The following RBMS3 variants were observed in gnomAD, a reference collection of about 807,000 sequenced individuals.
RBMS3 encodes RNA-binding motif, single-stranded-interacting protein 3.
Under a neutral mutation model 66.8 loss-of-function variants are expected in RBMS3, and 27 were observed. That is an observed-to-expected ratio of 0.40 (90% confidence interval 0.30 to 0.56). The LOEUF (loss-of-function observed/expected upper bound fraction) is 0.56. RBMS3 is among the 20% of genes least tolerant of loss of function. The pLI is 0.40. For synonymous variants in RBMS3, 188 were observed against 183.0 expected (o/e 1.03, Z -0.22); for missense variants, 513 against 549.5 (o/e 0.93, Z 0.66).
intron 6 of RBMS3, among the ~76,000 whole-genome samples, chr3:29,769,773 G>C (rs747481753): frequency 6.6e-6 from 1 of 151,746 alleles, no homozygotes; most frequent in Admixed American, 6.6e-5. Context: ...ACATATATTT[G>C]CTTTTAATGA....
chr3:29,361,811 C>T (rs1036707053), intron 1 of RBMS3, among the ~76,000 whole-genome samples: 2 of 152,190 alleles, frequency 1.3e-5, no homozygotes, highest in African/African-American at 4.8e-5. Flanking sequence ...TCTTCCATCA[C>T]TGATACCCTT....
intron 2 of RBMS3, among the ~76,000 whole-genome samples, chr3:29,440,808 G>A (rs551122883): frequency 1.4e-4 from 22 of 152,314 alleles, no homozygotes; most frequent in African/African-American, 5.3e-4. Flanking sequence ...CGAGCGCAGA[G>A]TCCATTATAC....
chr3:29,835,797 A>G lies in RBMS3; in HGVS notation c.638-33061A>G, dbSNP rs184916790. Among the ~76,000 whole-genome samples, 155 of 152,022 alleles carry G rather than the reference A, an allele frequency of 1.0e-3. 1 individual carries two copies. The highest frequency in any genetic ancestry group is 3.6e-3 in the African/African-American group (149 of 41,556). The stretch of plus-strand genomic sequence containing the variant: ...GATCAAGGAAGAAATAAAATTTGAG[A>G]AGAGGAAACCAATAGAAAAGATCCA... On this transcript the variant is annotated intron_variant, in intron 6 of 14. Transcript: ENST00000383767.
intron 1 of RBMS3, among the ~76,000 whole-genome samples, chr3:29,302,044 C>T (rs539597274): frequency 6.6e-6 from 1 of 152,074 alleles, no homozygotes; most frequent in African/African-American, 2.4e-5. Context: ...CAGTCTTACT[C>T]TGTTGCCCAG....
At chr3:29,911,444 A>G (rs977847969) in intron 10 of RBMS3, among the ~76,000 whole-genome samples, 3 of 152,074 alleles carry the variant, frequency 2.0e-5, no homozygotes, top group African/African-American at 7.2e-5. Flanking sequence ...TAAACATGGC[A>G]TCTTCTCCTA....
chr3:29,580,134 T>C (rs960599928), intron 3 of RBMS3, among the ~76,000 whole-genome samples: 2 of 152,218 alleles, frequency 1.3e-5, no homozygotes, highest in Admixed American at 6.5e-5. Context: ...TTTGTAATTG[T>C]TTTATTCTGC....
At chr3:29,427,401 A>G (rs1167302906) in intron 1 of RBMS3, among the ~76,000 whole-genome samples, 3 of 152,222 alleles carry the variant, frequency 2.0e-5, no homozygotes, top group African/African-American at 2.4e-5. Flanking sequence ...ATTTAAGGCT[A>G]TTATAGACAC....
intron 6 of RBMS3, among the ~76,000 whole-genome samples, chr3:29,805,185 T>G (rs571616697): frequency 3.9e-5 from 6 of 152,150 alleles, no homozygotes; most frequent in Admixed American, 3.9e-4. Flanking sequence ...TATTGTCTAC[T>G]AACACTGAAG....
chr3:29,504,458 A>G (rs936232626), intron 3 of RBMS3, among the ~76,000 whole-genome samples: 2 of 152,088 alleles, frequency 1.3e-5, no homozygotes, highest in African/African-American at 4.8e-5. Flanking sequence ...TGATTTATTT[A>G]TTTATAAAAT....
intron 6 of RBMS3, among the ~76,000 whole-genome samples, chr3:29,816,996 C>A (rs1347580119): frequency 6.6e-6 from 1 of 152,012 alleles, no homozygotes. Context: ...GAGGCTGAGG[C>A]AAGAGAATCG....
intron 8 of RBMS3, among the ~76,000 whole-genome samples, chr3:29,885,561 G>C (rs1363081022): frequency 1.3e-5 from 2 of 151,842 alleles, no homozygotes; most frequent in African/African-American, 2.4e-5. Flanking sequence ...TTTGTGCAAA[G>C]TACTTTGTAA....
chr3:29,625,888 G>A (rs923280302), intron 4 of RBMS3, among the ~76,000 whole-genome samples: 1 of 151,982 alleles, frequency 6.6e-6, no homozygotes, highest in Non-Finnish European at 1.5e-5. Flanking sequence ...GGGTTAGGAA[G>A]GTCACCAAAT....
At chr3:29,354,379 C>T (rs943591455) in intron 1 of RBMS3, among the ~76,000 whole-genome samples, 1 of 152,112 alleles carries the variant, frequency 6.6e-6, no homozygotes, top group Non-Finnish European at 1.5e-5. Flanking sequence ...AACTCTGAAG[C>T]AAACTGTATT....
intron 6 of RBMS3, among the ~76,000 whole-genome samples, chr3:29,864,181 T>G (rs2059288107): frequency 6.6e-6 from 1 of 152,142 alleles, no homozygotes; most frequent in Non-Finnish European, 1.5e-5. Flanking sequence ...TTTCTAGTAG[T>G]AAAATACAAC....
chr3:29,998,136 G>T (rs559596491), intron 14 of RBMS3, among the ~76,000 whole-genome samples: 1 of 152,088 alleles, frequency 6.6e-6, no homozygotes, highest in Non-Finnish European at 1.5e-5. Context: ...CAGACAAACA[G>T]CCAAATCATG....
At chr3:29,857,347 T>A (rs2059104016) in intron 6 of RBMS3, among the ~76,000 whole-genome samples, 1 of 152,086 alleles carries the variant, frequency 6.6e-6, no homozygotes, top group Non-Finnish European at 1.5e-5. Context: ...TGTTTTACAT[T>A]AAAAGATTCC....
intron 3 of RBMS3, among the ~76,000 whole-genome samples, chr3:29,492,184 G>A (rs1223632055): frequency 2.0e-5 from 3 of 152,102 alleles, no homozygotes; most frequent in East Asian, 1.9e-4. Flanking sequence ...CATGGGGGAG[G>A]TGCCCTGTAA....
chr3:29,586,599 C>T (rs1043921327), intron 3 of RBMS3, among the ~76,000 whole-genome samples: 3 of 152,084 alleles, frequency 2.0e-5, no homozygotes, highest in African/African-American at 7.2e-5. Context: ...ACCCTCTCAT[C>T]CACAATATTT....
intron 7 of RBMS3, among the ~76,000 whole-genome samples, chr3:29,878,225 C>A (rs917686670): frequency 6.6e-6 from 1 of 152,044 alleles, no homozygotes; most frequent in African/African-American, 2.4e-5. Context: ...CTGCTCACCT[C>A]CTGCTGTGCA....
Sources: allele counts gnomAD v4.1 joint callset (sites outside exome capture counted in the v4.1 genomes callset), GRCh38; gene constraint gnomAD v4.1.1; transcripts MANE v1.5; gene names NCBI Gene and HGNC (gene_info 2026-07-23, HGNC 2026-07-21).